Variants in ZNF777 observed in about 807,000 individuals in gnomAD.
The protein encoded by ZNF777 is zinc finger protein 777.
In ZNF777, 7 loss-of-function variants were observed where a neutral mutation model predicts 72.1. The ratio of observed to expected loss-of-function variants is 0.10; its 90% CI spans 0.06 to 0.18. ZNF777 has a LOEUF of 0.18. Ranked by LOEUF, ZNF777 falls within the 10% of genes least tolerant of loss-of-function variation. The probability of loss-of-function intolerance (pLI) is 1.00; values close to 1 mark genes in which losing one functional copy is unlikely to be tolerated. For synonymous variants in ZNF777, 545 were observed against 483.5 expected, an observed-to-expected ratio of 1.13 and a Z score of -1.67; for missense variants, 828 against 1,128.6, an observed-to-expected ratio of 0.73 and a Z score of 3.82.
intron 4 of ZNF777, among the ~76,000 whole-genome samples, chr7:149,446,948 G>A (rs1055331648): frequency 6.6e-6 from 1 of 152,086 alleles, no homozygotes; most frequent in Non-Finnish European, 1.5e-5. Flanking sequence ...ATACGACACG[G>A]TTGGGCATAC....
chr7:149,452,905 A>G (rs1799751940), intron 3 of ZNF777, among the ~76,000 whole-genome samples: 1 of 152,212 alleles, frequency 6.6e-6, no homozygotes, highest in South Asian at 2.1e-4. Context: ...ATACACAGAA[A>G]TGTTTATCAT....
intron 5 of ZNF777, among the ~76,000 whole-genome samples, chr7:149,433,192 G>T (rs1378794390): frequency 6.6e-6 from 1 of 152,180 alleles, no homozygotes; most frequent in African/African-American, 2.4e-5. Context: ...AGTCCTCTTT[G>T]GATTTTATAC....
rs559739036 is a variant in ZNF777 at position 149,442,294 on chromosome 7, C to A, written c.1088-5468G>T. 1.7e-4 allele frequency among the ~76,000 whole-genome samples: 25 copies of A among 149,926 alleles called. No homozygotes were observed. In the South Asian group the frequency reaches 5.1e-3, roughly 30 times the overall value. ...GCTATTACACACACACACACACACA[C>A]ACACACACAGACACACACACAAAAT... On this transcript the variant is annotated intron_variant, in intron 4 of 5. Transcript: ENST00000247930.
intron 4 of ZNF777, among the ~76,000 whole-genome samples, chr7:149,438,804 G>A (rs1799461012): frequency 6.6e-6 from 1 of 152,084 alleles, no homozygotes; most frequent in African/African-American, 2.4e-5. Flanking sequence ...GACCTAAGCT[G>A]GATTCCTTCG....
At position 149,432,880 on chromosome 7, in the gene ZNF777, CTCCTCCTCTTCT is replaced by C; in HGVS notation, c.1380_1391del (p.Glu462_Glu465del). The C allele has an allele frequency of 5.2e-6, 8 of 1,548,066 alleles. No homozygotes were observed. Among genetic ancestry groups the C allele is most frequent in the Non-Finnish European group, 7.0e-6 (8 of 1,148,132 alleles). On this transcript the variant is annotated inframe_deletion, in exon 6 of 6. Coordinates refer to ENST00000247930, the MANE Select transcript of ZNF777 (RefSeq NM_015694.3). ...GCAAGTGCTGCGGCAGCTCATCCTC[CTCCTCCTCTTCT>C]TCCTCCTCGTCTTGTTCCTCTGTCT... is the stretch of plus-strand genomic sequence containing the variant.
intron 4 of ZNF777, among the ~76,000 whole-genome samples, chr7:149,443,135 T>G (rs1799552179): frequency 6.6e-6 from 1 of 152,196 alleles, no homozygotes; most frequent in African/African-American, 2.4e-5. Context: ...GTGAACACCC[T>G]AAATGCACAT....
chr7:149,434,134 AGTGAT>A (rs1799373308), intron 5 of ZNF777, among the ~76,000 whole-genome samples: 1 of 152,192 alleles, frequency 6.6e-6, no homozygotes, highest in Non-Finnish European at 1.5e-5. Context: ...AGAGATATCA[AGTGAT>A]GTTTCCAAAT....
At chr7:149,440,599 C>A (rs866760185) in intron 4 of ZNF777, among the ~76,000 whole-genome samples, 3 of 151,214 alleles carry the variant, frequency 2.0e-5, no homozygotes, top group African/African-American at 4.9e-5. Context: ...CTCAAGTGAT[C>A]TTCCCATCTC....
intron 2 of ZNF777, 74 bp from the exon 3 acceptor site, chr7:149,454,311 C>G (rs1585703272): frequency 6.3e-7 from 1 of 1,592,858 alleles, no homozygotes; most frequent in Non-Finnish European, 8.6e-7. Context: ...AATCCCAAGG[C>G]CCAAACTCCT....
intron 4 of ZNF777, among the ~76,000 whole-genome samples, chr7:149,444,954 T>A (rs1254480490): frequency 6.6e-6 from 1 of 152,230 alleles, no homozygotes; most frequent in Non-Finnish European, 1.5e-5. Context: ...TGTTGATAAT[T>A]CCCACCTGTT....
At chr7:149,438,368 G>T (rs1434314028) in intron 4 of ZNF777, among the ~76,000 whole-genome samples, 1 of 152,146 alleles carries the variant, frequency 6.6e-6, no homozygotes, top group South Asian at 2.1e-4. Flanking sequence ...GGATAATACC[G>T]TGGCTTATTC....
intron 4 of ZNF777, among the ~76,000 whole-genome samples, chr7:149,444,375 T>C (rs973919575): frequency 1.2e-4 from 19 of 152,210 alleles, no homozygotes; most frequent in Non-Finnish European, 2.8e-4. Flanking sequence ...TGGGTATTTA[T>C]CCATTTCATC....
At chr7:149,448,947 G>T (rs1585698826) in intron 4 of ZNF777, among the ~76,000 whole-genome samples, 1 of 152,154 alleles carries the variant, frequency 6.6e-6, no homozygotes, top group East Asian at 1.9e-4. Context: ...TCATAAAATT[G>T]TCATGTTTGG....
intron 3 of ZNF777, among the ~76,000 whole-genome samples, chr7:149,453,219 G>A (rs2116602912): frequency 6.6e-6 from 1 of 152,122 alleles, no homozygotes; most frequent in Non-Finnish European, 1.5e-5. Flanking sequence ...ATGGGTGGTG[G>A]TTGCTCTTAA....
chr7:149,431,654 G>T lies in ZNF777; in HGVS notation c.*122C>A. On this transcript the variant is annotated 3_prime_UTR_variant, in exon 6 of 6. Transcript: ENST00000247930. ...TTGGGAGGAGGGACGAGAGGAGAGG[G>T]GGAGCTCACGGCAAAGGGGCTGGGG... The T allele has an allele frequency of 2.2e-6, 2 of 899,880 alleles. No homozygotes were observed. Among genetic ancestry groups the T allele is most frequent in the Non-Finnish European group, 3.0e-6 (2 of 676,796 alleles). 55.7% of individuals were successfully genotyped at this position (899,880 alleles called of 1,614,324 possible).
chr7:149,457,808 T>G (rs1165033885), intron 1 of ZNF777, among the ~76,000 whole-genome samples: 1 of 152,228 alleles, frequency 6.6e-6, no homozygotes, highest in African/African-American at 2.4e-5. Context: ...AAGGATTATC[T>G]CATTTAATCC....
Position 149,432,788 on chromosome 7 carries a change from A to T in ZNF777, c.1484T>A (p.Met495Lys). The T allele has an allele frequency of 1.2e-6, 2 of 1,608,780 alleles. No homozygotes were observed. The highest frequency in any genetic ancestry group is 1.7e-6 in the Non-Finnish European group (2 of 1,176,230). Reference protein sequence around the residue: ...SMYQTPLPGEMSPEGEESPPP... With the variant: ...SMYQTPLPGEKSPEGEESPPP... Reference sequence around the variant, plus strand: ...GGGGCTCTCCTCGCCCTCGGGGGACATCTCCCCGGGCAGCGGGGTCTGGTA... The same window carrying T: ...GGGGCTCTCCTCGCCCTCGGGGGACTTCTCCCCGGGCAGCGGGGTCTGGTA... The change falls in exon 6 of 6, where the codon ATG (methionine) becomes AAG (lysine). Residue 495 changes from methionine (M) to lysine (K), a missense_variant. Met to Lys is a moderately conservative substitution (Grantham distance 95). This residue lies in a region of ZNF777 where 219 missense variants were observed against 223.0 expected (regional missense o/e 0.98). Coordinates refer to ENST00000247930, the MANE Select transcript of ZNF777 (RefSeq NM_015694.3).
At chr7:149,453,693 A>G (rs1799768569) in intron 3 of ZNF777, among the ~76,000 whole-genome samples, 1 of 152,218 alleles carries the variant, frequency 6.6e-6, no homozygotes, top group South Asian at 2.1e-4. Context: ...CAAGGAGATG[A>G]TACTTGTACA....
At position 149,455,828 on chromosome 7, in the gene ZNF777, T is replaced by C. The variant is rs760637981; in HGVS notation, c.195A>G (p.Gln65=). 1.2e-6 allele frequency: 2 copies of C among 1,613,770 alleles called. No individual in the cohort carries two copies. Among genetic ancestry groups the C allele is most frequent in the Non-Finnish European group, 8.5e-7 (1 of 1,179,842 alleles). Residue 65 remains glutamine (Q), a synonymous_variant, in exon 2 of 6, where the codon CAA becomes CAG. Transcript: ENST00000247930. This position sits in a 1 kb window ranked among gnomAD's most constrained non-coding sequence, Gnocchi z 4.2. The part of the protein sequence containing the change: ...SLPQTSSAPK[Q]ETSGRMPHVL... ...CATGTGGCATCCGGCCAGAAGTCTCTTGCTTGGGAGCACTGGAAGTTTGGG... is the reference window on the plus strand; with the variant it reads ...CATGTGGCATCCGGCCAGAAGTCTCCTGCTTGGGAGCACTGGAAGTTTGGG...
Sources: allele counts gnomAD v4.1 joint callset (sites outside exome capture counted in the v4.1 genomes callset), GRCh38; gene constraint gnomAD v4.1.1; regional missense constraint gnomAD v4.1.1; non-coding constraint Gnocchi (gnomAD v3.1); transcripts MANE v1.5; gene names NCBI Gene and HGNC (gene_info 2026-07-23, HGNC 2026-07-21).